Variants in AMZ1 observed in about 807,000 individuals in gnomAD.
The protein encoded by AMZ1 is archaemetzincin-1.
A neutral mutation model predicts 29.9 loss-of-function variants in AMZ1; 39 were observed. That is an observed-to-expected ratio of 1.30 (90% confidence interval 1.01 to 1.70). The LOEUF is 1.70. AMZ1 is among the 40% of genes most tolerant of loss of function. The pLI is 0.00. For missense variants in AMZ1, 1,041 were observed against 680.6 expected (o/e 1.53, Z -5.89); for synonymous variants, 458 against 304.0 (o/e 1.51, Z -5.27).
chr7:2,734,275 G>C (rs1790047740), intron 4 of AMZ1, among the ~76,000 whole-genome samples: 1 of 152,204 alleles, frequency 6.6e-6, no homozygotes, highest in Admixed American at 6.5e-5. Context: ...GCCCGCATAT[G>C]AACAGGCACG....
At chr7:2,735,429 T>C (rs1289204486) in intron 4 of AMZ1, among the ~76,000 whole-genome samples, 1 of 151,324 alleles carries the variant, frequency 6.6e-6, no homozygotes, top group African/African-American at 2.4e-5. Context: ...CCAGTGCTCT[T>C]ATCACCACAG....
At chr7:2,712,080 T>C (rs1583179213) in intron 6 of AMZ1, among the ~76,000 whole-genome samples, 1 of 152,242 alleles carries the variant, frequency 6.6e-6, no homozygotes, top group East Asian at 1.9e-4. Context: ...GTTCTAACTT[T>C]GGATGACAAG....
Position 2,712,358 on chromosome 7 carries a change from TGGGGACGTGGCCCAGCCAGGAGGC to T in AMZ1, c.982_1005del (p.Thr328_Gly335del). Reference sequence around the variant, plus strand: ...CTCTACACCTGGACTCAGGCGGTGGTGGGGACGTGGCCCAGCCAGGAGGCGGGGGAGCCGTCAGTGTGGGAGGAC... The same window carrying T: ...CTCTACACCTGGACTCAGGCGGTGGTGGGGGAGCCGTCAGTGTGGGAGGAC... On this transcript the variant is annotated inframe_deletion, in exon 7 of 7. Coordinates refer to ENST00000683327, the MANE Select transcript of AMZ1 (RefSeq NM_001384743.1). 6.3e-7 allele frequency: 1 copy of T among 1,599,278 alleles called. No homozygotes were observed. Among genetic ancestry groups the T allele is most frequent in the Non-Finnish European group, 8.5e-7 (1 of 1,172,468 alleles).
chr7:2,692,299 G>T (rs1787443430), intron 1 of AMZ1, among the ~76,000 whole-genome samples: 1 of 152,128 alleles, frequency 6.6e-6, no homozygotes, highest in Admixed American at 6.6e-5. Flanking sequence ...CCAACACTCT[G>T]GGAGGCCGAG....
upstream of AMZ1, among the ~76,000 whole-genome samples, chr7:2,687,021 T>C (rs1383138004): frequency 2.0e-5 from 3 of 151,348 alleles, no homozygotes; most frequent in African/African-American, 7.3e-5. Flanking sequence ...CCGTGTTATT[T>C]CTTAAGGCTT....
chr7:2,690,740 C>A (rs2115049237), intron 1 of AMZ1, among the ~76,000 whole-genome samples: 1 of 152,238 alleles, frequency 6.6e-6, no homozygotes, highest in Non-Finnish European at 1.5e-5. Context: ...TCCTGTTGCT[C>A]CCATTCGGTC....
chr7:2,755,041 T>C (rs915319966), intron 4 of AMZ1, among the ~76,000 whole-genome samples: 2 of 152,216 alleles, frequency 1.3e-5, no homozygotes, highest in Admixed American at 1.3e-4. Flanking sequence ...AGGCTCTCCT[T>C]CTTCACTGAG....
chr7:2,737,281 TTTTTTTTG>T (rs1458418149), intron 4 of AMZ1, among the ~76,000 whole-genome samples: 7,521 of 69,398 alleles, frequency 0.11, 446 homozygotes, highest in Middle Eastern at 0.16. Context: ...TTTGTTTTTT[TTTTTTTTG>T]TTTTTTTTTT....
chr7:2,680,912 C>G (rs189973871), intron 1 of AMZ1, among the ~76,000 whole-genome samples: 2 of 152,350 alleles, frequency 1.3e-5, no homozygotes, highest in East Asian at 1.9e-4. Flanking sequence ...CCTGGGTAGG[C>G]GCCTGGCCAA....
At chr7:2,712,256 G>T (rs1562375569) in intron 6 of AMZ1, 74 bp from the exon 7 acceptor site, 1 of 1,446,226 alleles carries the variant, frequency 6.9e-7, no homozygotes, top group Non-Finnish European at 9.2e-7. Flanking sequence ...CTTAGGTAAG[G>T]AGGTCTCCTG....
At chr7:2,762,894 C>T, upstream of AMZ1, 2 of 1,427,456 alleles carry the variant, frequency 1.4e-6, no homozygotes, top group Non-Finnish European at 1.8e-6. Flanking sequence ...GCCATTGGTG[C>T]TGCGGCGGGG....
At chr7:2,755,149 C>A (rs968096861) in intron 4 of AMZ1, among the ~76,000 whole-genome samples, 1 of 152,196 alleles carries the variant, frequency 6.6e-6, no homozygotes, top group Non-Finnish European at 1.5e-5. Flanking sequence ...GCCAGCACCA[C>A]ACAGGCCTGA....
At chr7:2,724,095 T>TG (rs1190091482), downstream of AMZ1, among the ~76,000 whole-genome samples, 4 of 84,420 alleles carry the variant, frequency 4.7e-5, no homozygotes, top group East Asian at 9.0e-4. Flanking sequence ...TTAGTAGAGA[T>TG]GGGGAGTGGG....
At position 2,731,731 on chromosome 7, in the gene AMZ1, TG is replaced by T; in HGVS notation, n.550+21916del. The T allele has an allele frequency of 6.5e-7, 1 of 1,541,134 alleles. No homozygotes were observed. The highest frequency in any genetic ancestry group is 8.8e-7 in the Non-Finnish European group (1 of 1,138,268). ...GGCTTTCCTAGCCAGCAGGATATCT[TG>T]CTTACTAGGAAAGTAATTCTGTAAA... On this transcript the variant is annotated intron_variant and non_coding_transcript_variant, in intron 4 of 4. Coordinates refer to the AMZ1 transcript ENST00000489665. This position sits in a 1 kb window ranked among gnomAD's most constrained non-coding sequence, Gnocchi z 6.0.
chr7:2,688,711 G>A (rs928543398), intron 1 of AMZ1, among the ~76,000 whole-genome samples: 4 of 152,170 alleles, frequency 2.6e-5, no homozygotes, highest in Non-Finnish European at 4.4e-5. Context: ...GGACGTCCCC[G>A]GGGAACCTCC....
chr7:2,764,864 A>G (rs1374312053), exon 1 of AMZ1: 1 of 152,198 alleles, frequency 6.6e-6, no homozygotes, highest in Admixed American at 6.5e-5. Context: ...CTCTTAGTGA[A>G]TGAGGTCCTC....
At chr7:2,720,832 A>T (rs1360839380), downstream of AMZ1, among the ~76,000 whole-genome samples, 1 of 151,800 alleles carries the variant, frequency 6.6e-6, no homozygotes, top group Non-Finnish European at 1.5e-5. Flanking sequence ...GTATCTCTAC[A>T]CTGAGCTAAC....
intron 4 of AMZ1, among the ~76,000 whole-genome samples, chr7:2,745,310 CA>C (rs1249429128): frequency 1.3e-5 from 2 of 152,258 alleles, no homozygotes; most frequent in African/African-American, 4.8e-5. Context: ...ATCAGACTAA[CA>C]GCTGATCTCT....
intron 4 of AMZ1, among the ~76,000 whole-genome samples, chr7:2,726,916 T>A (rs1789644369): frequency 6.6e-6 from 1 of 152,180 alleles, no homozygotes; most frequent in South Asian, 2.1e-4. Flanking sequence ...GCCATCCCCA[T>A]GGGCACCGCT....
Sources: gnomAD v4.1 joint callset for allele counts (sites outside exome capture counted in the v4.1 genomes callset) on GRCh38, gnomAD v4.1.1 for gene constraint, Gnocchi (gnomAD v3.1) non-coding constraint, MANE v1.5 for transcripts, NCBI Gene and HGNC (gene_info 2026-07-23, HGNC 2026-07-21) for gene names.